CCDC91: variants seen among roughly 807,000 people sequenced by gnomAD.
CCDC91 encodes coiled-coil domain-containing protein 91.
Under a neutral mutation model 63.2 loss-of-function variants are expected in CCDC91, and 48 were observed. The observed-to-expected ratio is 0.76, with a 90% CI of 0.60 to 0.97. The LOEUF is 0.97. CCDC91 is among the 50% of genes least tolerant of loss of function. CCDC91 has a pLI of 0.00. For missense variants in CCDC91, 500 were observed against 494.6 expected (o/e 1.01, Z -0.10); for synonymous variants, 167 against 165.8 (o/e 1.01, Z -0.06).
intron 6 of CCDC91, among the ~76,000 whole-genome samples, chr12:28,311,174 T>C (rs1939282357): frequency 6.6e-6 from 1 of 152,024 alleles, no homozygotes; most frequent in Admixed American, 6.6e-5. Context: ...GATACTGCCT[T>C]ACTCCTGAGA....
intron 3 of CCDC91, among the ~76,000 whole-genome samples, chr12:28,297,332 C>T (rs1404369203): frequency 6.6e-6 from 1 of 151,700 alleles, no homozygotes; most frequent in Non-Finnish European, 1.5e-5. Flanking sequence ...ACTTGGTGCT[C>T]CTTCGCCTGT....
chr12:28,263,419 A>T (rs1946962762), intron 3 of CCDC91, among the ~76,000 whole-genome samples: 2 of 151,958 alleles, frequency 1.3e-5, no homozygotes, highest in South Asian at 4.1e-4. Context: ...TATTCTAGAT[A>T]CTTTATAAAG....
chr12:28,232,524 A>G (rs1432421691), intron 1 of CCDC91, among the ~76,000 whole-genome samples: 1 of 152,150 alleles, frequency 6.6e-6, no homozygotes, highest in East Asian at 1.9e-4. Context: ...CTCACATAAC[A>G]ACTAATATAG....
intron 12 of CCDC91, among the ~76,000 whole-genome samples, chr12:28,511,957 T>C (rs1939423038): frequency 6.6e-6 from 1 of 152,018 alleles, no homozygotes; most frequent in South Asian, 2.1e-4. Context: ...AAATTAACTC[T>C]GTTCTTTCAT....
At chr12:28,503,528 G>A (rs985838388) in intron 12 of CCDC91, among the ~76,000 whole-genome samples, 74 of 152,128 alleles carry the variant, frequency 4.9e-4, no homozygotes, top group African/African-American at 1.8e-3. Context: ...TGAGTGTGGC[G>A]ATTCCTCAGG....
At chr12:28,361,354 C>T (rs1943870146) in intron 6 of CCDC91, among the ~76,000 whole-genome samples, 1 of 151,920 alleles carries the variant, frequency 6.6e-6, no homozygotes, top group Non-Finnish European at 1.5e-5. Flanking sequence ...ACAACAGTCC[C>T]CAGAGTGTGA....
At chr12:28,384,062 G>C (rs1447563295) in intron 7 of CCDC91, among the ~76,000 whole-genome samples, 2 of 152,098 alleles carry the variant, frequency 1.3e-5, no homozygotes, top group Non-Finnish European at 2.9e-5. Context: ...TGGTAACCAA[G>C]AACAGCATTC....
At chr12:28,482,363 C>CT (rs1229118092) in intron 11 of CCDC91, among the ~76,000 whole-genome samples, 1 of 151,732 alleles carries the variant, frequency 6.6e-6, no homozygotes, top group Non-Finnish European at 1.5e-5. Flanking sequence ...ACTTTGTACT[C>CT]TATCAATGGA....
At chr12:28,465,150 G>A (rs1195412807) in intron 11 of CCDC91, among the ~76,000 whole-genome samples, 1 of 152,192 alleles carries the variant, frequency 6.6e-6, no homozygotes, top group Non-Finnish European at 1.5e-5. Context: ...GGAAGAGTGG[G>A]AAGGATTGTA....
At chr12:28,330,470 T>G (rs188538106) in intron 6 of CCDC91, among the ~76,000 whole-genome samples, 1 of 152,150 alleles carries the variant, frequency 6.6e-6, no homozygotes, top group African/African-American at 2.4e-5. Context: ...GTTGTTTTTT[T>G]TTTTGTAAAT....
At chr12:28,386,275 G>C (rs566370637) in intron 7 of CCDC91, among the ~76,000 whole-genome samples, 1 of 152,210 alleles carries the variant, frequency 6.6e-6, no homozygotes, top group African/African-American at 2.4e-5. Flanking sequence ...TATTACATCA[G>C]CTGGTTATGT....
At chr12:28,225,144 T>A (rs1390858049) in intron 1 of CCDC91, among the ~76,000 whole-genome samples, 1 of 152,194 alleles carries the variant, frequency 6.6e-6, no homozygotes, top group Non-Finnish European at 1.5e-5. Flanking sequence ...AAGTGTAAGA[T>A]ACAAGATTCT....
rs188477030 is a variant in CCDC91 at position 28,256,248 on chromosome 12, C to A, written c.-14-954C>A. Among the ~76,000 whole-genome samples the A allele has an allele frequency of 2.4e-3, 360 of 152,086 alleles. 1 individual carries two copies. The highest frequency in any genetic ancestry group is 3.8e-3 in the Non-Finnish European group (260 of 67,956). On this transcript the variant is annotated intron_variant, in intron 1 of 12. Coordinates refer to ENST00000536442, the MANE Select transcript of CCDC91 (RefSeq NM_018318.5). ...ACTTCTGAATGATAGAAAAATAAAC[C>A]AATTATTACTGACTAGAGTATTACT...
chr12:28,450,886 T>G (rs1173153598), intron 10 of CCDC91, among the ~76,000 whole-genome samples: 1 of 151,774 alleles, frequency 6.6e-6, no homozygotes, highest in Non-Finnish European at 1.5e-5. Flanking sequence ...ATATTGAATG[T>G]CTCATATCTG....
intron 1 of CCDC91, among the ~76,000 whole-genome samples, chr12:28,200,865 C>A (rs1197247320): frequency 6.7e-6 from 1 of 150,224 alleles, no homozygotes; most frequent in Non-Finnish European, 1.5e-5. Context: ...GCAGAGGCGC[C>A]CCTCACCTCC....
intron 6 of CCDC91, among the ~76,000 whole-genome samples, chr12:28,334,606 C>T (rs1301909223): frequency 6.6e-6 from 1 of 152,286 alleles, no homozygotes; most frequent in East Asian, 1.9e-4. Context: ...ATTCTCCTTG[C>T]ACATAAATTC....
chr12:28,226,412 G>A (rs993724306), intron 1 of CCDC91, among the ~76,000 whole-genome samples: 1 of 152,024 alleles, frequency 6.6e-6, no homozygotes, highest in Non-Finnish European at 1.5e-5. Flanking sequence ...TATGACATAT[G>A]TTAGATCTGT....
intron 3 of CCDC91, among the ~76,000 whole-genome samples, chr12:28,283,537 A>AT (rs76455503): frequency 6.6e-6 from 1 of 151,502 alleles, no homozygotes; most frequent in Non-Finnish European, 1.5e-5. Flanking sequence ...GCAGTGGCAC[A>AT]TTTTTTTTGT....
intron 8 of CCDC91, among the ~76,000 whole-genome samples, chr12:28,433,436 A>C (rs1948735967): frequency 6.6e-6 from 1 of 151,914 alleles, no homozygotes; most frequent in African/African-American, 2.4e-5. Context: ...TTGCGTGTGG[A>C]TGTTCAGATG....
Sources: allele counts gnomAD v4.1 joint callset (sites outside exome capture counted in the v4.1 genomes callset), GRCh38; gene constraint gnomAD v4.1.1; transcripts MANE v1.5; gene names NCBI Gene and HGNC (gene_info 2026-07-23, HGNC 2026-07-21).